TNKS1BP1: variants seen among roughly 807,000 people sequenced by gnomAD.
The protein encoded by TNKS1BP1 is CCR4-NOT transcription complex subunit 12.
In TNKS1BP1, 48 loss-of-function variants were observed where a neutral mutation model predicts 141.1. The ratio of observed to expected loss-of-function variants is 0.34; its 90% confidence interval spans 0.27 to 0.43. The LOEUF is 0.43. Among genes scored for constraint, TNKS1BP1 ranks in the 20% least tolerant of loss-of-function variants. The pLI is 1.00. For missense variants in TNKS1BP1, 2,149 were observed against 2,226.0 expected, an observed-to-expected ratio of 0.97 and a Z score of 0.70; for synonymous variants, 875 against 898.2, an observed-to-expected ratio of 0.97 and a Z score of 0.46.
In TNKS1BP1 at chr11:57,320,089, G is replaced by A. The variant is rs201347777; in HGVS notation, c.718C>T (p.Pro240Ser). Residue 240 changes from proline (P) to serine (S), a missense_variant, in exon 3 of 12, where the codon CCT becomes TCT. Pro to Ser is a moderately conservative substitution (Grantham distance 74, BLOSUM62 -1). Coordinates refer to ENST00000358252, the MANE Select transcript of TNKS1BP1 (RefSeq NM_033396.3). ...AECREEHSKTPEERSLPSDLA... is the reference protein window; with the variant it reads ...AECREEHSKTSEERSLPSDLA... ...CCTCCCACCCTTCACCTCTCCTCAGGGGTCTTGCTGTGCTCTTCCCGGCAC... is the reference window on the plus strand; with the variant it reads ...CCTCCCACCCTTCACCTCTCCTCAGAGGTCTTGCTGTGCTCTTCCCGGCAC... 17 of 1,613,680 alleles carry A rather than the reference G, an allele frequency of 1.1e-5. No homozygotes were observed. Among genetic ancestry groups the A allele is most frequent in the Non-Finnish European group, 1.4e-5 (17 of 1,179,802 alleles).
In TNKS1BP1 at chr11:57,313,278, C is replaced by A. The variant is rs554346445; in HGVS notation, c.1410G>T (p.Trp470Cys). Residue 470 changes from tryptophan (W) to cysteine (C), a missense_variant, in exon 5 of 12, where the codon TGG (tryptophan) becomes TGT (cysteine). Trp to Cys is a radical substitution (Grantham distance 215, BLOSUM62 -2). Transcript: ENST00000358252. ...LDRPFGAESN[W>C]SLSQSFEWTF... ...TCCATTCGAAGGACTGTGATAAGCT[C>A]CAGTTGGACTCTGCCCCAAAGGGAC... The A allele has an allele frequency of 6.2e-7, 1 of 1,613,012 alleles. No individual in the cohort carries two copies. The highest frequency in any genetic ancestry group is 1.7e-5 in the Admixed American group (1 of 60,028).
In TNKS1BP1 at chr11:57,312,762, C is replaced by T. The variant is rs1018370051; in HGVS notation, c.1926G>A (p.Gln642=). The part of the protein sequence containing the change: ...VLFADAPEPG[Q]ALPVEEEAVT... ...CGGCCTCCTCCTCAACAGGCAGTGC[C>T]TGTCCAGGCTCAGGGGCATCAGCAA... The change falls in exon 5 of 12, where the codon CAG becomes CAA. Residue 642 remains glutamine (Q), a synonymous_variant. Transcript: ENST00000358252. 1 of 1,601,720 alleles carries T rather than the reference C, an allele frequency of 6.2e-7. No individual in the cohort carries two copies. The highest frequency in any genetic ancestry group is 1.3e-5 in the African/African-American group (1 of 74,870).
Position 57,302,599 on chromosome 11 carries a change from C to T in TNKS1BP1, c.4543G>A (p.Ala1515Thr). ...CCATCCACGTCTTCTGTCTGGCTGG[C>T]CTCACCATCAGGCTGCGGCCTCCAG... is the stretch of plus-strand genomic sequence containing the variant. ...PSWRPQPDGE[A>T]SQTEDVDGTW... The change falls in exon 7 of 12, where the codon GCC (alanine) becomes ACC (threonine). Residue 1515 changes from alanine (A) to threonine (T), a missense_variant. Coordinates refer to ENST00000358252, the MANE Select transcript of TNKS1BP1 (RefSeq NM_033396.3). The surrounding 1 kb of genome is among the most constrained non-coding windows in gnomAD (Gnocchi z 5.5). 1.2e-6 allele frequency: 2 copies of T among 1,612,876 alleles called. No homozygotes were observed. Among genetic ancestry groups the T allele is most frequent in the East Asian group, 4.5e-5 (2 of 44,856 alleles).
chr11:57,313,027 T>G lies in TNKS1BP1; in HGVS notation c.1661A>C (p.Gln554Pro), dbSNP rs776974650. Residue 554 changes from glutamine (Q) to proline (P), a missense_variant, in exon 5 of 12, where the codon CAG becomes CCG. Physicochemically the swap from Gln to Pro is moderately conservative, Grantham distance 76. Transcript: ENST00000358252. ...QGDDPSMSLT[Q>P]KGDGESQPQF... The stretch of plus-strand genomic sequence containing the variant: ...AGGTTGACTCTCCCCATCGCCCTTC[T>G]GGGTGAGGGACATGCTTGGATCATC... 1.9e-6 allele frequency: 3 copies of G among 1,613,974 alleles called. No individual in the cohort carries two copies. The Admixed American group carries it at 5.0e-5, about 27-fold the overall frequency.
In TNKS1BP1 at chr11:57,300,568, G is replaced by T. The variant is rs936327203; in HGVS notation, c.5162C>A (p.Ala1721Asp). The change falls in exon 11 of 12, where the codon GCC becomes GAC. Residue 1721 changes from alanine to aspartate, a missense_variant. Physicochemically the swap from Ala to Asp is moderately radical, Grantham distance 126 (BLOSUM62 -2). Coordinates refer to ENST00000358252, the MANE Select transcript of TNKS1BP1 (RefSeq NM_033396.3). Reference protein sequence around the residue: ...SEGSSPNWLQALKLKKKKV With the variant: ...SEGSSPNWLQDLKLKKKKV Reference sequence around the variant, plus strand: ...GACCTTCTTCTTCTTCAGTTTCAGGGCTTGAAGCCAGTTGGGCGACGATCC... The same window carrying T: ...GACCTTCTTCTTCTTCAGTTTCAGGTCTTGAAGCCAGTTGGGCGACGATCC... 1.2e-6 allele frequency: 2 copies of T among 1,614,116 alleles called. No homozygotes were observed. The highest frequency in any genetic ancestry group is 1.3e-5 in the African/African-American group (1 of 74,938).
Position 57,309,436 on chromosome 11 carries a change from A to G in TNKS1BP1, c.3275T>C (p.Leu1092Pro), listed in dbSNP as rs898934599. 1 of 1,613,944 alleles carries G rather than the reference A, an allele frequency of 6.2e-7. No homozygotes were observed. Among genetic ancestry groups the G allele is most frequent in the Non-Finnish European group, 8.5e-7 (1 of 1,179,986 alleles). The change falls in exon 6 of 12, where the codon CTC (leucine) becomes CCC (proline). Residue 1092 changes from leucine (L) to proline (P), a missense_variant. Physicochemically the swap from Leu to Pro is moderately conservative, Grantham distance 98. Transcript: ENST00000358252. The surrounding 1 kb of genome is among the most constrained non-coding windows in gnomAD (Gnocchi z 4.3). Reference sequence around the variant, plus strand: ...TGCCTCTCGCTGGGGGCCAACACTGAGGCTAAACTCACCGACCCAGCCTCG... The same window carrying G: ...TGCCTCTCGCTGGGGGCCAACACTGGGGCTAAACTCACCGACCCAGCCTCG... ...GKRGWVGEFS[L>P]SVGPQREAAF...
intron 1 of TNKS1BP1, among the ~76,000 whole-genome samples, chr11:57,323,743 T>C (rs1175156112): frequency 1.3e-5 from 2 of 151,972 alleles, no homozygotes; most frequent in African/African-American, 4.8e-5. Context: ...GAGGGGCACA[T>C]GATAGAAAAA....
intron 6 of TNKS1BP1, 147 bp downstream of exon 6, chr11:57,308,248 A>G: frequency 2.5e-6 from 3 of 1,178,096 alleles, no homozygotes; most frequent in Non-Finnish European, 3.5e-6. Context: ...AAGTAGAACT[A>G]AAAATTCTTA....
chr11:57,321,732 A>G (rs1590597574), intron 2 of TNKS1BP1, 60 bp downstream of exon 2: 1 of 1,246,362 alleles, frequency 8.0e-7, no homozygotes, highest in Non-Finnish European at 1.1e-6. Context: ...AAGAGGGGGC[A>G]GCCTCTGTCC....
At chr11:57,320,022 A>AACCCCCCCC in intron 3 of TNKS1BP1, 57 bp downstream of exon 3, 8 of 1,118,678 alleles carry the variant, frequency 7.2e-6, no homozygotes, top group South Asian at 1.3e-5. Context: ...CCCCCACCCA[A>AACCCCCCCC]TCCCACCCCA....
intron 3 of TNKS1BP1, among the ~76,000 whole-genome samples, chr11:57,319,038 G>A (rs1391040615): frequency 6.6e-6 from 1 of 151,808 alleles, no homozygotes; most frequent in African/African-American, 2.4e-5. Context: ...CCAGCTACTC[G>A]GGAGGCTGAG....
chr11:57,301,892 G>A lies in TNKS1BP1; in HGVS notation c.4886C>T (p.Pro1629Leu), dbSNP rs763265232. ...PSSDEEVVEE[P>L]QSRRTRMSLG... Reference sequence around the variant, plus strand: ...CGACATCCGTGTCCGGCGGCTCTGAGGTTCCTCCACTACCTCTTCATCTGA... The same window carrying A: ...CGACATCCGTGTCCGGCGGCTCTGAAGTTCCTCCACTACCTCTTCATCTGA... The change falls in exon 9 of 12, where the codon CCT (proline) becomes CTT (leucine). Residue 1629 changes from proline to leucine, a missense_variant. Transcript: ENST00000358252. 1.9e-6 allele frequency: 3 copies of A among 1,614,000 alleles called. No individual in the cohort carries two copies. Among genetic ancestry groups the A allele is most frequent in the African/African-American group, 2.7e-5 (2 of 74,902 alleles).
chr11:57,317,942 A>G, intron 3 of TNKS1BP1, 55 bp from the exon 4 acceptor site: 1 of 1,558,540 alleles, frequency 6.4e-7, no homozygotes, highest in Non-Finnish European at 8.8e-7. Flanking sequence ...TCTGTCACAG[A>G]ATGGAAAATG....
chr11:57,321,966 G>A lies in TNKS1BP1; in HGVS notation c.-65-16C>T. On this transcript the variant is annotated splice_polypyrimidine_tract_variant and intron_variant, in intron 1 of 11. Coordinates refer to ENST00000358252, the MANE Select transcript of TNKS1BP1 (RefSeq NM_033396.3). ...GGCTGCAGACCTAGGAAAAGAGAGA[G>A]AAGAGAAGGAAAAAAAGAGTTGGGC... The A allele has an allele frequency of 1.9e-6, 3 of 1,539,192 alleles. No individual in the cohort carries two copies. Among genetic ancestry groups the A allele is most frequent in the Admixed American group, 4.1e-5 (2 of 48,310 alleles).
At chr11:57,311,247 C>G in intron 5 of TNKS1BP1, 2 of 986,078 alleles carry the variant, frequency 2.0e-6, no homozygotes, top group South Asian at 9.4e-5. Flanking sequence ...CCCTTGTGGG[C>G]GGGAGAGCCC....
At chr11:57,321,725 A>AG in intron 2 of TNKS1BP1, 67 bp downstream of exon 2, 2 of 1,552,516 alleles carry the variant, frequency 1.3e-6, no homozygotes, top group Non-Finnish European at 1.8e-6. Context: ...AGACAGAAAG[A>AG]GGGGGCAGCC....
In TNKS1BP1 at chr11:57,312,956, T is replaced by C. The variant is rs765537465; in HGVS notation, c.1732A>G (p.Thr578Ala). ...PLEPLPTTEG[T>A]PGLPLQQAEE... is the part of the protein sequence containing the mutation. ...GCCTGCTGCAAAGGTAATCCAGGTG[T>C]GCCCTCAGTTGTAGGCAGGGGCTCA... Residue 578 changes from threonine to alanine, a missense_variant, in exon 5 of 12, where the codon ACA (threonine) becomes GCA (alanine). By Grantham distance (58) the Thr-to-Ala change is moderately conservative. Coordinates refer to ENST00000358252, the MANE Select transcript of TNKS1BP1 (RefSeq NM_033396.3). 6.2e-6 allele frequency: 10 copies of C among 1,613,828 alleles called. No homozygotes were observed. In the Admixed American group the frequency reaches 1.2e-4, roughly 19 times the overall value.
chr11:57,312,202 C>G (rs1232297143), intron 5 of TNKS1BP1, among the ~76,000 whole-genome samples: 5 of 152,154 alleles, frequency 3.3e-5, no homozygotes, highest in Non-Finnish European at 7.3e-5. Flanking sequence ...CGCACTGTGC[C>G]GAGAGCTTTC....
At chr11:57,314,693 G>C (rs1855771851) in intron 4 of TNKS1BP1, among the ~76,000 whole-genome samples, 1 of 152,126 alleles carries the variant, frequency 6.6e-6, no homozygotes, top group Non-Finnish European at 1.5e-5. Context: ...GACGTGGAGA[G>C]AAGAGGGGGA....
Sources: gnomAD v4.1 joint callset for allele counts (sites outside exome capture counted in the v4.1 genomes callset) on GRCh38, gnomAD v4.1.1 for gene constraint, Gnocchi (gnomAD v3.1) non-coding constraint, MANE v1.5 for transcripts, NCBI Gene and HGNC (gene_info 2026-07-23, HGNC 2026-07-21) for gene names.